Variants in MEIS1 observed in about 807,000 individuals in gnomAD.
MEIS1 encodes Meis homeobox 1, also known as homeobox protein Meis1.
A neutral mutation model predicts 50.8 loss-of-function variants in MEIS1; 5 were observed. The observed-to-expected ratio is 0.10, with a 90% CI of 0.05 to 0.21. The LOEUF (loss-of-function observed/expected upper bound fraction) is 0.21, where lower values mean the gene tolerates loss of function less well. MEIS1 is among the 10% of genes least tolerant of loss of function. MEIS1 has a pLI of 1.00. For synonymous variants in MEIS1, 176 were observed against 179.3 expected (o/e 0.98, Z 0.15); for missense variants, 318 against 517.3 (o/e 0.61, Z 3.74).
intron 6 of MEIS1, among the ~76,000 whole-genome samples, chr2:66,448,594 A>T (rs544282200): frequency 5.9e-5 from 9 of 152,210 alleles, no homozygotes; most frequent in Non-Finnish European, 1.0e-4. Context: ...AAGTATTCTC[A>T]TATTGGTAAT....
At chr2:66,495,080 CTTTTTTTTTTT>C (rs70943701) in intron 7 of MEIS1, among the ~76,000 whole-genome samples, 23 of 91,492 alleles carry the variant, frequency 2.5e-4, no homozygotes, top group African/African-American at 9.8e-4. Flanking sequence ...CTCTTCTGAC[CTTTTTTTTTTT>C]TTTTTTTTTT....
In MEIS1 at chr2:66,568,750, G is replaced by C. The variant is rs1675412747; in HGVS notation, c.1108G>C (p.Ala370Pro). The change falls in exon 11 of 13, where the codon GCA becomes CCA. Residue 370 changes from alanine (A) to proline (P), a missense_variant. Ala to Pro is a conservative substitution (Grantham distance 27). Transcript: ENST00000272369. ...MDGQQHMGIR[A>P]PGPMSGMGMN... Reference sequence around the variant, plus strand: ...CGGTCAGCAACATATGGGAATTAGAGCACCAGGTAAGACTTTGTTTTTGTG... The same window carrying C: ...CGGTCAGCAACATATGGGAATTAGACCACCAGGTAAGACTTTGTTTTTGTG... 1.2e-6 allele frequency: 2 copies of C among 1,613,548 alleles called. No homozygotes were observed.
At chr2:66,459,756 A>T (rs1672476883) in intron 6 of MEIS1, among the ~76,000 whole-genome samples, 5 of 152,196 alleles carry the variant, frequency 3.3e-5, no homozygotes. Context: ...GGAGGATGTG[A>T]TACCTACTAG....
chr2:66,488,535 G>A (rs958736320), intron 7 of MEIS1, among the ~76,000 whole-genome samples: 6 of 151,950 alleles, frequency 3.9e-5, no homozygotes, highest in African/African-American at 1.5e-4. Flanking sequence ...AAAATTAGCC[G>A]GGCATGGTGG....
At chr2:66,452,782 TG>T (rs1203511043) in intron 6 of MEIS1, among the ~76,000 whole-genome samples, 34 of 152,104 alleles carry the variant, frequency 2.2e-4, no homozygotes, top group Non-Finnish European at 1.5e-5. Context: ...GTGTATTTGG[TG>T]GCTTGGCCTA....
At chr2:66,558,242 G>A (rs1289314677) in intron 9 of MEIS1, among the ~76,000 whole-genome samples, 2 of 118,138 alleles carry the variant, frequency 1.7e-5, no homozygotes, top group African/African-American at 6.6e-5. Flanking sequence ...TTGCGCCACT[G>A]CACTCCAGCA....
chr2:66,558,279 C>CAAA (rs59017279), intron 9 of MEIS1, among the ~76,000 whole-genome samples: 336 of 56,998 alleles, frequency 5.9e-3, no homozygotes, highest in Non-Finnish European at 6.4e-3. Context: ...AACTCCATCT[C>CAAA]AAAAAAAAAA....
chr2:66,541,985 T>A (rs1674664352), intron 8 of MEIS1, among the ~76,000 whole-genome samples: 1 of 152,142 alleles, frequency 6.6e-6, no homozygotes, highest in South Asian at 2.1e-4. Flanking sequence ...TGGATTTTTT[T>A]AAAGGAAAAA....
At chr2:66,562,055 T>A (rs1425587677) in intron 9 of MEIS1, 18 of 138,060 alleles carry the variant, frequency 1.3e-4, no homozygotes, top group African/African-American at 4.9e-4. Flanking sequence ...TTTTTTTTTT[T>A]TTTTTTTTTT....
intron 7 of MEIS1, among the ~76,000 whole-genome samples, chr2:66,504,933 T>G (rs1352607690): frequency 2.0e-5 from 3 of 152,204 alleles, no homozygotes; most frequent in African/African-American, 7.2e-5. Context: ...TGGGAATCAC[T>G]TTGCGCTAAG....
At chr2:66,436,920 G>C (rs1202658218) in intron 1 of MEIS1, 2 of 944,074 alleles carry the variant, frequency 2.1e-6, no homozygotes, top group African/African-American at 3.9e-5. Flanking sequence ...TTGTGCATTT[G>C]CTTTTGAATT....
intron 8 of MEIS1, among the ~76,000 whole-genome samples, chr2:66,528,818 T>A (rs1490047849): frequency 6.6e-6 from 1 of 152,118 alleles, no homozygotes; most frequent in African/African-American, 2.4e-5. Context: ...CTACTACCCG[T>A]AGGATATGAG....
intron 7 of MEIS1, among the ~76,000 whole-genome samples, chr2:66,473,378 C>CAAAAAAAA (rs71409174): frequency 1.9e-4 from 10 of 53,936 alleles, no homozygotes; most frequent in African/African-American, 1.2e-3. Flanking sequence ...GACTCCATGT[C>CAAAAAAAA]AAAAAAAAAA....
chr2:66,478,526 G>T (rs1672945173), intron 7 of MEIS1, among the ~76,000 whole-genome samples: 1 of 152,210 alleles, frequency 6.6e-6, no homozygotes, highest in South Asian at 2.1e-4. Context: ...AGATCCAAAT[G>T]CATAACTCCT....
chr2:66,522,020 G>A (rs1454305424), intron 8 of MEIS1, among the ~76,000 whole-genome samples: 1 of 152,172 alleles, frequency 6.6e-6, no homozygotes, highest in African/African-American at 2.4e-5. Context: ...CGATGGGTGG[G>A]CATTTATCTT....
At chr2:66,552,962 T>C (rs1270918346) in intron 9 of MEIS1, among the ~76,000 whole-genome samples, 1 of 152,200 alleles carries the variant, frequency 6.6e-6, no homozygotes, top group Non-Finnish European at 1.5e-5. Flanking sequence ...TTTACAGATG[T>C]TGTTTGAATA....
chr2:66,568,621 G>A (rs776357490), intron 10 of MEIS1, 46 bp from the exon 11 acceptor site: 1 of 1,412,582 alleles, frequency 7.1e-7, no homozygotes, highest in South Asian at 1.1e-5. Context: ...TATTTCTTTT[G>A]CTCTCAGAGA....
intron 7 of MEIS1, among the ~76,000 whole-genome samples, chr2:66,501,173 G>A (rs1006805706): frequency 2.0e-5 from 3 of 152,036 alleles, no homozygotes; most frequent in African/African-American, 7.2e-5. Context: ...AAATAGGCAA[G>A]GTACTAGTTC....
At chr2:66,529,473 G>T (rs550196806) in intron 8 of MEIS1, among the ~76,000 whole-genome samples, 4 of 152,260 alleles carry the variant, frequency 2.6e-5, no homozygotes, top group African/African-American at 9.6e-5. Flanking sequence ...GTCTCAATCT[G>T]TTGCCCAACC....
Sources: gnomAD v4.1 joint callset for allele counts (sites outside exome capture counted in the v4.1 genomes callset) on GRCh38, gnomAD v4.1.1 for gene constraint, MANE v1.5 for transcripts, NCBI Gene and HGNC (gene_info 2026-07-23, HGNC 2026-07-21) for gene names.